PPP2CB: variants seen among roughly 807,000 people sequenced by gnomAD.
PPP2CB encodes protein phosphatase 2 catalytic subunit beta.
A neutral mutation model predicts 39.1 loss-of-function variants in PPP2CB; 18 were observed. The ratio of observed to expected loss-of-function variants is 0.46; its 90% CI spans 0.32 to 0.68. The LOEUF (loss-of-function observed/expected upper bound fraction) is 0.68. PPP2CB is among the 30% of genes least tolerant of loss of function. The probability of loss-of-function intolerance (pLI) is 0.04; values close to 1 mark genes in which losing one functional copy is unlikely to be tolerated. For synonymous variants in PPP2CB, 129 were observed against 133.8 expected, an observed-to-expected ratio of 0.96 and a Z score of 0.25; for missense variants, 226 against 396.9, an observed-to-expected ratio of 0.57 and a Z score of 3.66.
intron 1 of PPP2CB, among the ~76,000 whole-genome samples, chr8:30,801,363 T>G (rs1042538344): frequency 1.1e-4 from 16 of 151,740 alleles, no homozygotes; most frequent in African/African-American, 3.9e-4. Flanking sequence ...AAACCCCATC[T>G]CTACTAAAAA....
chr8:30,805,669 GCTT>G (rs1029639676), intron 1 of PPP2CB, among the ~76,000 whole-genome samples: 2 of 152,058 alleles, frequency 1.3e-5, no homozygotes, highest in Non-Finnish European at 1.5e-5. Context: ...ATTCAAATAA[GCTT>G]TTTTCTAAGA....
intron 6 of PPP2CB, among the ~76,000 whole-genome samples, chr8:30,790,235 CT>C (rs1806408738): frequency 6.6e-6 from 1 of 152,194 alleles, no homozygotes; most frequent in Admixed American, 6.5e-5. Context: ...CCACATCCTA[CT>C]CTTGACTGCT....
chr8:30,812,282 GC>G, intron 1 of PPP2CB, 37 bp downstream of exon 1: 1 of 1,444,370 alleles, frequency 6.9e-7, no homozygotes, highest in Non-Finnish European at 9.2e-7. Flanking sequence ...GCCCGTCCCA[GC>G]CCCGCGCTCC....
At chr8:30,793,795 T>C in intron 5 of PPP2CB, 122 bp downstream of exon 5, 1 of 1,181,534 alleles carries the variant, frequency 8.5e-7, no homozygotes, top group East Asian at 2.6e-5. Context: ...AACCAGCAAG[T>C]TTTTCCTCTT....
rs1468647266 is a variant in PPP2CB at position 30,799,711 on chromosome 8, A to G, written c.147T>C (p.Arg49=). 1 of 1,614,002 alleles carries G rather than the reference A, an allele frequency of 6.2e-7. No individual in the cohort carries two copies. Among genetic ancestry groups the G allele is most frequent in the Non-Finnish European group, 8.5e-7 (1 of 1,179,988 alleles). ...LTKESNVQEV[R]CPVTVCGDVH... is the part of the protein sequence containing the mutation. ...CATCTCCACAGACAGTAACAGGGCA[A>G]CGAACCTCTTGCACATTTGATTCTT... The change falls in exon 2 of 7, where the codon CGT becomes CGC. Residue 49 remains arginine, a synonymous_variant. Transcript: ENST00000221138.
chr8:30,794,132 A>G, intron 4 of PPP2CB, 54 bp from the exon 5 acceptor site: 1 of 1,606,274 alleles, frequency 6.2e-7, no homozygotes, highest in Non-Finnish European at 8.5e-7. Context: ...ATACTTTATC[A>G]TCCTCAAAAT....
chr8:30,801,157 T>C (rs1664501154), intron 1 of PPP2CB, among the ~76,000 whole-genome samples: 2 of 151,358 alleles, frequency 1.3e-5, no homozygotes, highest in Admixed American at 6.6e-5. Flanking sequence ...AAGGCTGCAG[T>C]GAGCCATGGT....
Position 30,785,873 on chromosome 8 carries a change from C to A in PPP2CB, c.*362G>T. ...GTGAATTTTTCTTAAAAATAAAACT[C>A]CAACTCTATTAATCCATGCCAGTTA... On this transcript the variant is annotated 3_prime_UTR_variant, in exon 7 of 7. Transcript: ENST00000221138. The A allele has an allele frequency of 8.3e-6, 3 of 359,866 alleles. No homozygotes were observed. Among genetic ancestry groups the A allele is most frequent in the Admixed American group, 3.9e-5 (1 of 25,622 alleles). 22.3% of individuals were successfully genotyped at this position (359,866 alleles called of 1,614,324 possible).
rs1806859539 is a variant in PPP2CB at position 30,812,540 on chromosome 8, G to A, written c.-119C>T. The A allele has an allele frequency of 3.3e-6, 2 of 597,126 alleles. No homozygotes were observed. Among genetic ancestry groups the A allele is most frequent in the Non-Finnish European group, 5.0e-6 (2 of 399,532 alleles). 37.0% of individuals were successfully genotyped at this position (597,126 alleles called of 1,614,324 possible). ...CCCTCTCCCTCCGCCGCCGTCGCCA[G>A]GTCCCACAGGGGGAGGACTGAGCCG... On this transcript the variant is annotated 5_prime_UTR_variant, in exon 1 of 7. Coordinates refer to ENST00000221138, the MANE Select transcript of PPP2CB (RefSeq NM_001009552.2).
chr8:30,789,038 G>A (rs1190861539), intron 6 of PPP2CB, among the ~76,000 whole-genome samples: 2 of 150,912 alleles, frequency 1.3e-5, no homozygotes, highest in African/African-American at 2.4e-5. Flanking sequence ...GGCCCTGCTC[G>A]GATGTTTTTA....
chr8:30,797,536 G>A, intron 3 of PPP2CB, 45 bp downstream of exon 3: 1 of 1,517,638 alleles, frequency 6.6e-7, no homozygotes, highest in Non-Finnish European at 9.0e-7. Flanking sequence ...GTCAATCTCT[G>A]CTTCCATTTA....
intron 1 of PPP2CB, among the ~76,000 whole-genome samples, chr8:30,806,327 T>A (rs1179881665): frequency 6.6e-6 from 1 of 152,080 alleles, no homozygotes; most frequent in East Asian, 1.9e-4. Flanking sequence ...GTGCTGGGAT[T>A]ACAGGCGCGA....
intron 1 of PPP2CB, among the ~76,000 whole-genome samples, chr8:30,805,130 C>T (rs190042729): frequency 2.8e-3 from 425 of 152,330 alleles, no homozygotes; most frequent in Non-Finnish European, 4.8e-3. Context: ...TCACTGCCCA[C>T]AGGAACAAGC....
At chr8:30,809,883 G>C (rs1586129388) in intron 1 of PPP2CB, 1 of 152,304 alleles carries the variant, frequency 6.6e-6, no homozygotes, top group South Asian at 2.1e-4. Context: ...GTTGCAGTGA[G>C]CGGTGATTGC....
chr8:30,802,902 G>A (rs551266502), intron 1 of PPP2CB, among the ~76,000 whole-genome samples: 10 of 152,268 alleles, frequency 6.6e-5, no homozygotes, highest in Admixed American at 2.6e-4. Context: ...AAAAGTACAC[G>A]GAAGAACCGA....
Position 30,799,552 on chromosome 8 carries a change from T to C in PPP2CB, c.306A>G (p.Ala102=), listed in dbSNP as rs1458195134. The C allele has an allele frequency of 1.2e-6, 2 of 1,608,276 alleles. No individual in the cohort carries two copies. Among genetic ancestry groups the C allele is most frequent in the Non-Finnish European group, 1.7e-6 (2 of 1,176,038 alleles). Residue 102 remains alanine (A), a synonymous_variant, in exon 2 of 7, where the codon GCA becomes GCG. Transcript: ENST00000221138. ...YSVETVTLLV[A]LKVRYPERIT... ...TGAATTTCAATAATCATACCTTTAATGCTACAAGAAGAGTCACAGTCTCCA... is the reference window on the plus strand; with the variant it reads ...TGAATTTCAATAATCATACCTTTAACGCTACAAGAAGAGTCACAGTCTCCA...
chr8:30,797,856 C>T (rs761185777), intron 2 of PPP2CB, 102 bp from the exon 3 acceptor site: 8 of 1,119,830 alleles, frequency 7.1e-6, no homozygotes, highest in Non-Finnish European at 8.8e-6. Context: ...CGCTTTTGGC[C>T]ACCAGTATAT....
intron 3 of PPP2CB, among the ~76,000 whole-genome samples, chr8:30,796,268 G>A (rs558210557): frequency 7.2e-5 from 11 of 152,164 alleles, no homozygotes; most frequent in Admixed American, 3.9e-4. Flanking sequence ...CACAGGGAAA[G>A]TTATAACCAA....
intron 6 of PPP2CB, among the ~76,000 whole-genome samples, chr8:30,789,050 T>A (rs774530560): frequency 1.1e-5 from 1 of 94,904 alleles, no homozygotes; most frequent in East Asian, 2.9e-4. Flanking sequence ...ATGTTTTTAC[T>A]TTTTTTTTTT....
Sources: allele counts gnomAD v4.1 joint callset (sites outside exome capture counted in the v4.1 genomes callset), GRCh38; gene constraint gnomAD v4.1.1; transcripts MANE v1.5; gene names NCBI Gene and HGNC (gene_info 2026-07-23, HGNC 2026-07-21).